SPNS3: variants seen among roughly 807,000 people sequenced by gnomAD.
SPNS3 encodes SPNS lysolipid transporter 3, sphingosine-1-phosphate (putative).
A neutral mutation model predicts 54.4 loss-of-function variants in SPNS3; 51 were observed. The observed-to-expected ratio is 0.94, with a 90% CI of 0.75 to 1.18. SPNS3 has a LOEUF of 1.18. Ranked by LOEUF, SPNS3 falls within the 50% of genes most tolerant of loss-of-function variation. The pLI, the probability that SPNS3 is intolerant of heterozygous loss-of-function variation, is 0.00. For synonymous variants in SPNS3, 309 were observed against 294.7 expected, an observed-to-expected ratio of 1.05 and a Z score of -0.50; for missense variants, 669 against 677.4, an observed-to-expected ratio of 0.99 and a Z score of 0.14.
intron 8 of SPNS3, among the ~76,000 whole-genome samples, chr17:4,469,802 C>A (rs369669760): frequency 6.6e-6 from 1 of 151,936 alleles, no homozygotes; most frequent in East Asian, 1.9e-4. Flanking sequence ...GCAGTGCTAC[C>A]GTGGTGAGGT....
At chr17:4,451,375 C>A (rs1027752066) in intron 7 of SPNS3, among the ~76,000 whole-genome samples, 1 of 151,896 alleles carries the variant, frequency 6.6e-6, no homozygotes, top group East Asian at 1.9e-4. Context: ...CCTCAGCCTC[C>A]CAAGTAGCTG....
rs890719939 is a variant in SPNS3 at position 4,483,793 on chromosome 17, C to A, written c.1180-2435C>A. ...GTACATGGTGGCTCAGTCCCAGTGACCCTGGGACCAGCGAGTCACTACAGT... is the reference window on the plus strand; with the variant it reads ...GTACATGGTGGCTCAGTCCCAGTGAACCTGGGACCAGCGAGTCACTACAGT... On this transcript the variant is annotated intron_variant, in intron 9 of 11. Transcript: ENST00000355530. The surrounding 1 kb of genome is among the most constrained non-coding windows in gnomAD (Gnocchi z 4.2). 1 of 152,158 alleles carries A rather than the reference C, an allele frequency of 6.6e-6. No individual in the cohort carries two copies. The highest frequency in any genetic ancestry group is 6.5e-5 in the Admixed American group (1 of 15,278). The allele number at this position is 152,158 out of a possible 1,614,324, so 9.4% of individuals were successfully genotyped here.
At chr17:4,462,158 C>T (rs1317846031) in intron 8 of SPNS3, among the ~76,000 whole-genome samples, 110 of 368 alleles carry the variant, frequency 0.3, 1 homozygote, top group Admixed American at 0.38. Flanking sequence ...TCCATCCATC[C>T]ATCCATCCAT....
chr17:4,467,772 T>G (rs1188715480), intron 8 of SPNS3, among the ~76,000 whole-genome samples: 1 of 152,182 alleles, frequency 6.6e-6, no homozygotes, highest in African/African-American at 2.4e-5. Context: ...TTCAAGTGAT[T>G]CTTCTGCCTC....
At chr17:4,471,127 T>A (rs1014597788) in intron 8 of SPNS3, among the ~76,000 whole-genome samples, 1 of 152,176 alleles carries the variant, frequency 6.6e-6, no homozygotes, top group African/African-American at 2.4e-5. Context: ...TTTCTCTATG[T>A]TGGTCAGGCT....
chr17:4,478,583 C>T lies in SPNS3; in HGVS notation c.1125C>T (p.Gly375=). 2 of 1,579,818 alleles carry T rather than the reference C, an allele frequency of 1.3e-6. No individual in the cohort carries two copies. Among genetic ancestry groups the T allele is most frequent in the Non-Finnish European group, 1.7e-6 (2 of 1,162,370 alleles). ...TTLLASYVFL[G]LGELLLSCNW... is the part of the protein sequence containing the mutation. The stretch of plus-strand genomic sequence containing the variant: ...CCCTCTGTCCACAGGTGTTCCTGGG[C>T]CTTGGGGAGCTGCTTCTGTCCTGCA... The change falls in exon 9 of 12, where the codon GGC becomes GGT. Residue 375 remains glycine (G), a synonymous_variant. Transcript: ENST00000355530.
At chr17:4,472,867 C>A (rs941275610) in intron 8 of SPNS3, among the ~76,000 whole-genome samples, 1 of 138,164 alleles carries the variant, frequency 7.2e-6, no homozygotes, top group Non-Finnish European at 1.5e-5. Context: ...TGGCTCACTG[C>A]AGCCTCAACC....
At chr17:4,436,467 TCAGCCTCTCGGGAGGCTGAAG>T (rs1178876754) in intron 1 of SPNS3, among the ~76,000 whole-genome samples, 2 of 150,724 alleles carry the variant, frequency 1.3e-5, no homozygotes. Context: ...AGTGATGTCT[TCAGCCTCTCGGGAGGCTGAAG>T]CAGGAGGATT....
Position 4,486,940 on chromosome 17 carries a change from A to G in SPNS3, c.1450+357A>G, listed in dbSNP as rs1972335124. On this transcript the variant is annotated intron_variant, in intron 11 of 11. Transcript: ENST00000355530. The surrounding 1 kb of genome is among the most constrained non-coding windows in gnomAD (Gnocchi z 5.5). The stretch of plus-strand genomic sequence containing the variant: ...TGTAATCCCAGTACTTGGGGAGGCC[A>G]AGGCGGGCGGATTACAAGGTTAGGA... Among the ~76,000 whole-genome samples the G allele has an allele frequency of 1.3e-5, 2 of 152,012 alleles. No individual in the cohort carries two copies. Among genetic ancestry groups the G allele is most frequent in the Non-Finnish European group, 2.9e-5 (2 of 67,984 alleles).
At chr17:4,447,060 G>C in intron 5 of SPNS3, 98 bp downstream of exon 5, 4 of 1,260,996 alleles carry the variant, frequency 3.2e-6, no homozygotes, top group Non-Finnish European at 4.4e-6. Flanking sequence ...AGCACCCGGC[G>C]CCATTAGGGG....
chr17:4,441,180 G>A (rs1970838030), intron 2 of SPNS3, among the ~76,000 whole-genome samples: 1 of 152,178 alleles, frequency 6.6e-6, no homozygotes, highest in Admixed American at 6.5e-5. Flanking sequence ...ACATTTTAAT[G>A]TTAGCTGAAA....
At position 4,446,978 on chromosome 17, in the gene SPNS3, T is replaced by G. The variant is rs1205703706; in HGVS notation, c.621+16T>G. ...GGCCCTCCGAGTGAGTCCAGCTTCC[T>G]TTTCTTCCCTCTGCTTTCCCTCTGG... is the stretch of plus-strand genomic sequence containing the variant. On this transcript the variant is annotated intron_variant, in intron 5 of 11. Transcript: ENST00000355530. The G allele has an allele frequency of 5.6e-6, 9 of 1,613,782 alleles. No individual in the cohort carries two copies. The South Asian group carries it at 9.9e-5, about 18-fold the overall frequency.
chr17:4,459,002 C>G, intron 8 of SPNS3, among the ~76,000 whole-genome samples: 1 of 152,106 alleles, frequency 6.6e-6, no homozygotes, highest in South Asian at 2.1e-4. Flanking sequence ...CCTCTTGATT[C>G]CCTAGTCATT....
At chr17:4,469,366 C>A (rs1284715467) in intron 8 of SPNS3, among the ~76,000 whole-genome samples, 1 of 151,692 alleles carries the variant, frequency 6.6e-6, no homozygotes, top group South Asian at 2.1e-4. Flanking sequence ...GGATTACAGG[C>A]GTGAGCCACT....
chr17:4,448,653 T>G (rs1250305406), intron 6 of SPNS3, among the ~76,000 whole-genome samples: 4 of 152,236 alleles, frequency 2.6e-5, no homozygotes, highest in Admixed American at 2.6e-4. Flanking sequence ...TCCGGGTTGC[T>G]GGGAGGATGC....
At chr17:4,452,835 G>C (rs1029434540) in intron 7 of SPNS3, among the ~76,000 whole-genome samples, 181 bp from the exon 8 acceptor site, 2 of 152,056 alleles carry the variant, frequency 1.3e-5, no homozygotes, top group Non-Finnish European at 1.5e-5. Flanking sequence ...TGGTCCCTGG[G>C]AGTATCAGTG....
chr17:4,481,365 C>T (rs543550532), intron 9 of SPNS3, among the ~76,000 whole-genome samples: 22 of 151,998 alleles, frequency 1.4e-4, no homozygotes, highest in Non-Finnish European at 3.2e-4. Context: ...CCTTTGCCGG[C>T]CGGCACTGGC....
chr17:4,468,759 T>TTCTTTCTC (rs1971763254), intron 8 of SPNS3, among the ~76,000 whole-genome samples: 3 of 143,776 alleles, frequency 2.1e-5, no homozygotes, highest in East Asian at 2.0e-4. Context: ...CTTTCTTTCT[T>TTCTTTCTC]TCTCTCTTTC....
intron 8 of SPNS3, among the ~76,000 whole-genome samples, chr17:4,463,271 C>A (rs941728286): frequency 6.6e-6 from 1 of 151,298 alleles, no homozygotes; most frequent in East Asian, 1.9e-4. Flanking sequence ...GGTGGTGGCA[C>A]CTGTAATCCC....
Sources: allele counts gnomAD v4.1 joint callset (sites outside exome capture counted in the v4.1 genomes callset), GRCh38; gene constraint gnomAD v4.1.1; non-coding constraint Gnocchi (gnomAD v3.1); transcripts MANE v1.5; gene names NCBI Gene and HGNC (gene_info 2026-07-23, HGNC 2026-07-21).